URB1: variants seen among roughly 807,000 people sequenced by gnomAD.
URB1 encodes URB1 ribosome biogenesis factor, also known as nucleolar pre-ribosomal-associated protein 1.
Under a neutral mutation model 242.3 loss-of-function variants are expected in URB1, and 197 were observed. That is an observed-to-expected ratio of 0.81 (90% CI 0.72 to 0.91). The LOEUF is 0.91. Among genes scored for constraint, URB1 ranks in the 40% least tolerant of loss-of-function variants. The probability of loss-of-function intolerance (pLI) is 0.00; values close to 1 mark genes in which losing one functional copy is unlikely to be tolerated. For synonymous variants in URB1, 1,153 were observed against 1,201.8 expected, an observed-to-expected ratio of 0.96 and a Z score of 0.84; for missense variants, 2,721 against 2,860.5, an observed-to-expected ratio of 0.95 and a Z score of 1.11.
In URB1 at chr21:32,347,360, T is replaced by C. The variant is rs754811542; in HGVS notation, c.3464A>G (p.Lys1155Arg). The change falls in exon 22 of 39, where the codon AAG becomes AGG. Residue 1155 changes from lysine to arginine, a missense_variant. Coordinates refer to ENST00000382751, the MANE Select transcript of URB1 (RefSeq NM_014825.3). The stretch of plus-strand genomic sequence containing the variant: ...GCAGGTCAGCAGCTGCACCAGGGTC[T>C]TTCCAAGAGCATTCAGGTGTCTTTC... The part of the protein sequence containing the change: ...GKERHLNALG[K>R]TLVQLLTCSP... The C allele has an allele frequency of 3.4e-5, 53 of 1,551,402 alleles. No homozygotes were observed. The highest frequency in any genetic ancestry group is 3.1e-4 in the African/African-American group (23 of 73,180).
intron 30 of URB1, among the ~76,000 whole-genome samples, chr21:32,331,336 G>C (rs1166393636): frequency 6.6e-6 from 1 of 152,180 alleles, no homozygotes; most frequent in Non-Finnish European, 1.5e-5. Flanking sequence ...ATTTCAAACT[G>C]TGAATGTATT....
chr21:32,392,823 G>C lies in URB1; in HGVS notation c.88C>G (p.Leu30Val). 6.5e-7 allele frequency: 1 copy of C among 1,532,490 alleles called. No homozygotes were observed. Among genetic ancestry groups the C allele is most frequent in the Non-Finnish European group, 8.7e-7 (1 of 1,144,830 alleles). The allele number at this position is 1,532,490 out of a possible 1,614,324, so 94.9% of individuals were successfully genotyped here. ...TGAGCCTTGAACCGCACGCCCGTGA[G>C]CTCTTCTTTGCGGGCGCGCTTGGCT... ...GAAKRARKEE[L>V]TGVRFKAQLK... The change falls in exon 1 of 39, where the codon CTC becomes GTC. Residue 30 changes from leucine (L) to valine (V), a missense_variant. Physicochemically the swap from Leu to Val is conservative, Grantham distance 32 (BLOSUM62 1). Transcript: ENST00000382751.
chr21:32,383,315 T>C, intron 4 of URB1, 107 bp downstream of exon 4: 3 of 1,343,464 alleles, frequency 2.2e-6, no homozygotes, highest in Non-Finnish European at 2.0e-6. Flanking sequence ...TAGACACCTC[T>C]CATTTCATCT....
intron 16 of URB1, 111 bp from the exon 17 acceptor site, chr21:32,355,108 TA>T: frequency 7.7e-7 from 1 of 1,300,984 alleles, no homozygotes; most frequent in East Asian, 2.6e-5. Context: ...GTTCAATCCT[TA>T]ATTAGAATAG....
intron 7 of URB1, among the ~76,000 whole-genome samples, chr21:32,373,190 A>G (rs1449784634): frequency 6.6e-6 from 1 of 152,108 alleles, no homozygotes; most frequent in African/African-American, 2.4e-5. Flanking sequence ...AAAATAAATT[A>G]TATATGTCAG....
chr21:32,337,372 C>T, intron 27 of URB1, 32 bp downstream of exon 27: 4 of 1,536,648 alleles, frequency 2.6e-6, no homozygotes, highest in Non-Finnish European at 3.5e-6. Flanking sequence ...CTCCCTCCCC[C>T]TGCTCACACT....
At chr21:32,381,996 C>G (rs1350083828) in intron 4 of URB1, among the ~76,000 whole-genome samples, 1 of 152,172 alleles carries the variant, frequency 6.6e-6, no homozygotes. Flanking sequence ...AGTAAAAACA[C>G]TTTCAACTTG....
In URB1 at chr21:32,338,715, T is replaced by C; in HGVS notation, c.4502A>G (p.Gln1501Arg). 1.3e-6 allele frequency: 2 copies of C among 1,551,234 alleles called. No homozygotes were observed. Residue 1501 changes from glutamine (Q) to arginine (R), a missense_variant, in exon 26 of 39, where the codon CAA becomes CGA. Physicochemically the swap from Gln to Arg is conservative, Grantham distance 43. Coordinates refer to ENST00000382751, the MANE Select transcript of URB1 (RefSeq NM_014825.3). ...TSDGEESPDS[Q>R]VKEALVDLML... ...CTGGGGTGAGGGGTCACCTTTTACT[T>C]GGCTGTCCGGGCTCTCCTCTCCGTC... is the stretch of plus-strand genomic sequence containing the variant.
intron 11 of URB1, 88 bp downstream of exon 11, chr21:32,363,068 T>G: frequency 6.9e-7 from 1 of 1,459,624 alleles, no homozygotes; most frequent in Middle Eastern, 2.4e-4. Flanking sequence ...CAAGGACACA[T>G]CACTTGGCTT....
At position 32,317,924 on chromosome 21, in the gene URB1, G is replaced by T; in HGVS notation, c.5793-7C>A. The T allele has an allele frequency of 6.4e-7, 1 of 1,551,446 alleles. No individual in the cohort carries two copies. ...GACGGGGGCCAAGGTGGGCCTGTTT[G>T]GGAGTCAATGTTACAGACTGAGCAA... is the stretch of plus-strand genomic sequence containing the variant. On this transcript the variant is annotated splice_region_variant and splice_polypyrimidine_tract_variant and intron_variant, in intron 36 of 38. Transcript: ENST00000382751.
At chr21:32,369,544 C>T (rs897616752) in intron 8 of URB1, among the ~76,000 whole-genome samples, 1 of 152,140 alleles carries the variant, frequency 6.6e-6, no homozygotes, top group Admixed American at 6.5e-5. Context: ...ACTGCAGCCT[C>T]GAATTCCTGG....
intron 4 of URB1, among the ~76,000 whole-genome samples, chr21:32,380,058 T>C (rs2033506491): frequency 6.6e-6 from 1 of 152,102 alleles, no homozygotes; most frequent in African/African-American, 2.4e-5. Context: ...TGTACAAACA[T>C]ACGACTTATG....
At chr21:32,382,050 T>C (rs2033532670) in intron 4 of URB1, among the ~76,000 whole-genome samples, 1 of 152,240 alleles carries the variant, frequency 6.6e-6, no homozygotes, top group African/African-American at 2.4e-5. Context: ...TAAAATAATG[T>C]GCCCTGAGAC....
At chr21:32,341,071 A>G (rs527368447) in intron 25 of URB1, among the ~76,000 whole-genome samples, 1 of 152,340 alleles carries the variant, frequency 6.6e-6, no homozygotes, top group South Asian at 2.1e-4. Flanking sequence ...TTAACAACAT[A>G]CTAACACTCA....
In URB1 at chr21:32,346,931, T is replaced by A. The variant is rs933905164; in HGVS notation, c.3868+25A>T. 3 of 1,475,194 alleles carry A rather than the reference T, an allele frequency of 2.0e-6. No individual in the cohort carries two copies. The African/African-American group carries it at 4.2e-5, about 21-fold the overall frequency. The allele number at this position is 1,475,194 out of a possible 1,614,324, so 91.4% of individuals were successfully genotyped here. On this transcript the variant is annotated intron_variant, in intron 22 of 38. Coordinates refer to ENST00000382751, the MANE Select transcript of URB1 (RefSeq NM_014825.3). ...AGCCCGTGCAACTTAAGACCCCAGC[T>A]GCCCAAAGCTAGCCTTTCCCTTACC...
rs1489462830 is a variant in URB1 at position 32,316,591 on chromosome 21, G to A, written c.6509C>T (p.Ala2170Val). ...EGLAGPVQEV[A>V]CLFNTVMLQL... Reference sequence around the variant, plus strand: ...CAGCATGACCGTATTGAACAGGCAGGCCACCTCCTGCACAGGCCCTGCCAG... The same window carrying A: ...CAGCATGACCGTATTGAACAGGCAGACCACCTCCTGCACAGGCCCTGCCAG... The change falls in exon 38 of 39, where the codon GCC (alanine) becomes GTC (valine). Residue 2170 changes from alanine to valine, a missense_variant. By Grantham distance (64) the Ala-to-Val change is moderately conservative. Transcript: ENST00000382751. 1 of 1,551,304 alleles carries A rather than the reference G, an allele frequency of 6.4e-7. No individual in the cohort carries two copies. Among genetic ancestry groups the A allele is most frequent in the African/African-American group, 1.4e-5 (1 of 73,036 alleles).
chr21:32,356,890 T>C (rs2033227247), intron 15 of URB1, among the ~76,000 whole-genome samples: 1 of 152,232 alleles, frequency 6.6e-6, no homozygotes, highest in Non-Finnish European at 1.5e-5. Flanking sequence ...TGGCAACCTA[T>C]GGAGGTCAAG....
At chr21:32,371,122 G>C (rs139149711) in intron 8 of URB1, among the ~76,000 whole-genome samples, 65 of 152,326 alleles carry the variant, frequency 4.3e-4, no homozygotes, top group African/African-American at 1.3e-3. Context: ...AAGTGGTGAG[G>C]TCTGCACAGG....
At chr21:32,369,832 A>T (rs1343796031) in intron 8 of URB1, among the ~76,000 whole-genome samples, 1 of 152,132 alleles carries the variant, frequency 6.6e-6, no homozygotes, top group African/African-American at 2.4e-5. Context: ...CCGTAGAAAA[A>T]TACTGAAAAG....
Sources: allele counts gnomAD v4.1 joint callset (sites outside exome capture counted in the v4.1 genomes callset), GRCh38; gene constraint gnomAD v4.1.1; transcripts MANE v1.5; gene names NCBI Gene and HGNC (gene_info 2026-07-23, HGNC 2026-07-21).